Variants in ZDHHC14 observed in about 807,000 individuals in gnomAD.
ZDHHC14 encodes palmitoyltransferase ZDHHC14.
In ZDHHC14, 16 loss-of-function variants were observed where a neutral mutation model predicts 47.7. The observed-to-expected ratio is 0.34, with a 90% CI of 0.23 to 0.51. The LOEUF (loss-of-function observed/expected upper bound fraction) is 0.51. ZDHHC14 is among the 20% of genes least tolerant of loss of function. The pLI, the probability that ZDHHC14 is intolerant of heterozygous loss-of-function variation, is 0.97. For missense variants in ZDHHC14, 515 were observed against 662.5 expected, an observed-to-expected ratio of 0.78 and a Z score of 2.44; for synonymous variants, 293 against 278.9, an observed-to-expected ratio of 1.05 and a Z score of -0.50.
intron 1 of ZDHHC14, among the ~76,000 whole-genome samples, chr6:157,503,531 A>G (rs4709315): frequency 0.25 from 38,214 of 152,044 alleles, 5,941 homozygotes; most frequent in African/African-American, 0.41. Flanking sequence ...TGATTGCAGC[A>G]TCAGCCACAA....
At chr6:157,410,845 C>T (rs901151539) in intron 1 of ZDHHC14, among the ~76,000 whole-genome samples, 16 of 152,032 alleles carry the variant, frequency 1.1e-4, no homozygotes, top group Admixed American at 2.0e-4. Context: ...TACAGGCACA[C>T]GCCACCACAC....
intron 1 of ZDHHC14, among the ~76,000 whole-genome samples, chr6:157,409,449 G>A (rs149406325): frequency 2.2e-4 from 33 of 152,334 alleles, no homozygotes; most frequent in African/African-American, 7.5e-4. Flanking sequence ...AACAGTGTAG[G>A]TAGTGTTCTC....
intron 3 of ZDHHC14, among the ~76,000 whole-genome samples, chr6:157,615,772 T>C (rs1403187884): frequency 6.9e-6 from 1 of 145,870 alleles, no homozygotes; most frequent in African/African-American, 2.6e-5. Context: ...TTGCCACATT[T>C]ACTAGCTGAC....
intron 2 of ZDHHC14, among the ~76,000 whole-genome samples, chr6:157,558,114 G>A (rs775933520): frequency 1.2e-4 from 18 of 152,322 alleles, no homozygotes; most frequent in Non-Finnish European, 2.5e-4. Context: ...GATATTTAAA[G>A]TATTGAGATA....
chr6:157,487,170 G>A (rs561526106), intron 1 of ZDHHC14, among the ~76,000 whole-genome samples: 24 of 152,324 alleles, frequency 1.6e-4, no homozygotes, highest in Non-Finnish European at 2.5e-4. Flanking sequence ...CTTTGACCCC[G>A]GCCCTGGCCA....
intron 5 of ZDHHC14, among the ~76,000 whole-genome samples, chr6:157,635,875 G>A (rs9355316): frequency 0.59 from 89,866 of 152,146 alleles, 28,186 homozygotes; most frequent in East Asian, 0.88. Context: ...AATCATTCTC[G>A]GATGGAGGTA....
At chr6:157,656,047 C>G (rs1034159454) in intron 8 of ZDHHC14, among the ~76,000 whole-genome samples, 4 of 152,216 alleles carry the variant, frequency 2.6e-5, no homozygotes, top group Non-Finnish European at 5.9e-5. Context: ...GAGAAGGTGG[C>G]TTTAACCATG....
chr6:157,551,232 G>T (rs1471232579), intron 2 of ZDHHC14, among the ~76,000 whole-genome samples: 1 of 152,180 alleles, frequency 6.6e-6, no homozygotes, highest in Non-Finnish European at 1.5e-5. Flanking sequence ...TCCTCCTGGG[G>T]TGCTGGCCAC....
intron 2 of ZDHHC14, among the ~76,000 whole-genome samples, chr6:157,583,919 G>A (rs1248456424): frequency 6.6e-6 from 1 of 150,792 alleles, no homozygotes; most frequent in Non-Finnish European, 1.5e-5. Context: ...ATTGGCCTGG[G>A]ATGGGGCAGC....
chr6:157,435,940 G>T (rs1398654922), intron 1 of ZDHHC14, among the ~76,000 whole-genome samples: 2 of 152,176 alleles, frequency 1.3e-5, no homozygotes, highest in East Asian at 1.9e-4. Flanking sequence ...TGGATAGAGG[G>T]CTGGGGTGGG....
At chr6:157,433,164 C>T (rs935605131) in intron 1 of ZDHHC14, among the ~76,000 whole-genome samples, 1 of 152,176 alleles carries the variant, frequency 6.6e-6, no homozygotes, top group African/African-American at 2.4e-5. Flanking sequence ...GGCATGAAAC[C>T]GAGCACAGTG....
At chr6:157,415,136 A>C (rs1184507149) in intron 1 of ZDHHC14, among the ~76,000 whole-genome samples, 6 of 152,220 alleles carry the variant, frequency 3.9e-5, no homozygotes, top group African/African-American at 1.4e-4. Flanking sequence ...TGACTCGTCC[A>C]GCTTTTCAAT....
At chr6:157,467,514 A>ATTTT (rs1164913694) in intron 1 of ZDHHC14, among the ~76,000 whole-genome samples, 2 of 138,904 alleles carry the variant, frequency 1.4e-5, no homozygotes, top group Non-Finnish European at 3.1e-5. Flanking sequence ...TTCATTCCTC[A>ATTTT]TTTTATTTAT....
At chr6:157,628,512 A>G in intron 4 of ZDHHC14, 26 bp downstream of exon 4, 1 of 1,597,938 alleles carries the variant, frequency 6.3e-7, no homozygotes, top group Non-Finnish European at 8.5e-7. Context: ...AAATCAGATT[A>G]CGTATGTAAC....
intron 2 of ZDHHC14, among the ~76,000 whole-genome samples, chr6:157,553,225 G>A (rs1268703192): frequency 1.3e-5 from 2 of 152,170 alleles, no homozygotes; most frequent in African/African-American, 2.4e-5. Context: ...GGATGGTGGG[G>A]GATGAGGAGC....
rs141223300 is a variant in ZDHHC14, at chr6:157,448,828, G to A, written c.245+66562G>A. Among the ~76,000 whole-genome samples the A allele has an allele frequency of 3.2e-3, 482 of 152,252 alleles. 2 individuals are homozygous for A. Among genetic ancestry groups the A allele is most frequent in the Middle Eastern group, 6.8e-3 (2 of 294 alleles). On this transcript the variant is annotated intron_variant, in intron 1 of 8. Coordinates refer to ENST00000359775, the MANE Select transcript of ZDHHC14 (RefSeq NM_024630.3). Reference sequence around the variant, plus strand: ...TGACCTCAAGTGATCTGCCCGCCTCGGCCTTCCAAAGTGCTGGGATTATAG... The same window carrying A: ...TGACCTCAAGTGATCTGCCCGCCTCAGCCTTCCAAAGTGCTGGGATTATAG...
intron 1 of ZDHHC14, among the ~76,000 whole-genome samples, chr6:157,385,272 A>G (rs550663667): frequency 6.6e-6 from 1 of 150,632 alleles, no homozygotes; most frequent in Non-Finnish European, 1.5e-5. Flanking sequence ...TATTTTTTGT[A>G]GAGACATAGG....
intron 1 of ZDHHC14, among the ~76,000 whole-genome samples, chr6:157,508,350 T>C (rs1040539885): frequency 1.3e-5 from 2 of 152,176 alleles, no homozygotes; most frequent in Non-Finnish European, 2.9e-5. Context: ...CTGTAACTCT[T>C]TCATTTGGAT....
chr6:157,664,574 T>C (rs950766441), intron 8 of ZDHHC14, among the ~76,000 whole-genome samples: 4 of 152,212 alleles, frequency 2.6e-5, no homozygotes, highest in Admixed American at 6.5e-5. Context: ...CTCCAAATTC[T>C]GTCTTCTCTG....
Sources: gnomAD v4.1 joint callset for allele counts (sites outside exome capture counted in the v4.1 genomes callset) on GRCh38, gnomAD v4.1.1 for gene constraint, MANE v1.5 for transcripts, NCBI Gene and HGNC (gene_info 2026-07-23, HGNC 2026-07-21) for gene names.